Variants in MACROD2 observed in about 807,000 individuals in gnomAD.
MACROD2 encodes ADP-ribose glycohydrolase MACROD2.
MACROD2 carries 36 observed loss-of-function variants against 70.4 expected under a neutral mutation model. That is an observed-to-expected ratio of 0.51 (90% CI 0.39 to 0.68). MACROD2 has a LOEUF of 0.68. Ranked by LOEUF, MACROD2 falls within the 30% of genes least tolerant of loss-of-function variation. The pLI is 0.00. For synonymous variants in MACROD2, 172 were observed against 178.8 expected, an observed-to-expected ratio of 0.96 and a Z score of 0.30; for missense variants, 496 against 538.4, an observed-to-expected ratio of 0.92 and a Z score of 0.78.
At chr20:14,220,703 G>A (rs2081664960) in intron 3 of MACROD2, among the ~76,000 whole-genome samples, 1 of 152,198 alleles carries the variant, frequency 6.6e-6, no homozygotes, top group African/African-American at 2.4e-5. Flanking sequence ...CCTTTCTGCT[G>A]CATCCTCTAC....
intron 8 of MACROD2, among the ~76,000 whole-genome samples, chr20:15,738,292 T>C (rs2051054781): frequency 6.6e-6 from 1 of 152,136 alleles, no homozygotes; most frequent in South Asian, 2.1e-4. Flanking sequence ...TATCAAAATA[T>C]TACATATACC....
chr20:14,711,779 C>T (rs908664339), intron 5 of MACROD2, among the ~76,000 whole-genome samples: 7 of 152,152 alleles, frequency 4.6e-5, no homozygotes, highest in African/African-American at 9.7e-5. Context: ...TTGCCCAAAT[C>T]CCAAGCATTC....
At chr20:15,162,721 A>G (rs770151062) in intron 5 of MACROD2, among the ~76,000 whole-genome samples, 9 of 152,144 alleles carry the variant, frequency 5.9e-5, no homozygotes, top group Non-Finnish European at 8.8e-5. Flanking sequence ...TGTATGTAGA[A>G]AAGTTATCTT....
intron 4 of MACROD2, among the ~76,000 whole-genome samples, chr20:14,586,391 A>G (rs1981379693): frequency 6.6e-6 from 1 of 152,048 alleles, no homozygotes; most frequent in African/African-American, 2.4e-5. Context: ...AAGTTTCCTA[A>G]TTCTAGGGTG....
At position 14,327,493 on chromosome 20, in the gene MACROD2, G is replaced by A; in HGVS notation, c.272-165986G>A. The A allele has an allele frequency of 6.2e-7, 1 of 1,612,244 alleles. No individual in the cohort carries two copies. The highest frequency in any genetic ancestry group is 8.5e-7 in the Non-Finnish European group (1 of 1,178,864). ...AGTCCCGATGAGGAAGATGCTCCAG[G>A]CTGCGCTGATCATGGTCAGCAGTGT... is the stretch of plus-strand genomic sequence containing the variant. On this transcript the variant is annotated intron_variant, in intron 3 of 17. Transcript: ENST00000684519.
chr20:15,268,456 G>C (rs1009508114), intron 6 of MACROD2, among the ~76,000 whole-genome samples: 4 of 152,136 alleles, frequency 2.6e-5, no homozygotes, highest in African/African-American at 9.7e-5. Context: ...TCAAGACCCA[G>C]CCTGGCCAAG....
intron 7 of MACROD2, among the ~76,000 whole-genome samples, chr20:15,457,422 T>C (rs2046743308): frequency 6.6e-6 from 1 of 152,176 alleles, no homozygotes; most frequent in Non-Finnish European, 1.5e-5. Context: ...CTCATAATGT[T>C]ACCAATTTAT....
intron 5 of MACROD2, among the ~76,000 whole-genome samples, chr20:14,865,986 A>G (rs1007390459): frequency 6.6e-6 from 1 of 152,152 alleles, no homozygotes; most frequent in Non-Finnish European, 1.5e-5. Flanking sequence ...GAGTATGTAT[A>G]GAGGTCAAGT....
At chr20:14,312,416 G>A (rs1386668200) in intron 3 of MACROD2, among the ~76,000 whole-genome samples, 3 of 152,164 alleles carry the variant, frequency 2.0e-5, no homozygotes, top group Non-Finnish European at 4.4e-5. Context: ...AGAGAAAACT[G>A]CTCTCCTACT....
chr20:14,021,395 G>A (rs2053078093), intron 2 of MACROD2, among the ~76,000 whole-genome samples: 1 of 152,140 alleles, frequency 6.6e-6, no homozygotes, highest in Non-Finnish European at 1.5e-5. Context: ...AGCGGCCTTG[G>A]AACTTTAAGA....
chr20:14,199,921 C>T (rs1205945202), intron 3 of MACROD2, among the ~76,000 whole-genome samples: 3 of 151,970 alleles, frequency 2.0e-5, no homozygotes, highest in Non-Finnish European at 4.4e-5. Flanking sequence ...GGTTTACTTA[C>T]TTCCTTCTTA....
chr20:15,545,327 A>G (rs180929210), intron 8 of MACROD2, among the ~76,000 whole-genome samples: 175 of 152,320 alleles, frequency 1.1e-3, no homozygotes, highest in Non-Finnish European at 2.1e-3. Context: ...TAAGCTGCAA[A>G]TCACTGGTTT....
chr20:15,892,435 A>T (rs1465068233), intron 10 of MACROD2, among the ~76,000 whole-genome samples: 1 of 152,252 alleles, frequency 6.6e-6, no homozygotes. Context: ...TGGGACATAC[A>T]GAAGTTGTTT....
At chr20:15,196,807 C>A in intron 5 of MACROD2, 1 of 941,004 alleles carries the variant, frequency 1.1e-6, no homozygotes, top group Non-Finnish European at 1.3e-6. Flanking sequence ...TATTTCTCTA[C>A]CCCTCCCTTC....
At chr20:14,718,966 G>T (rs2071430612) in intron 5 of MACROD2, among the ~76,000 whole-genome samples, 2 of 152,122 alleles carry the variant, frequency 1.3e-5, no homozygotes, top group African/African-American at 2.4e-5. Flanking sequence ...GGGTGTGGTG[G>T]CTCACGTCTG....
At position 15,631,379 on chromosome 20, in the gene MACROD2, C is replaced by T. The variant is rs148231984; in HGVS notation, c.645+131532C>T. Among the ~76,000 whole-genome samples the T allele has an allele frequency of 9.2e-5, 14 of 152,146 alleles. No individual in the cohort carries two copies. In the East Asian group the frequency reaches 2.3e-3, roughly 25 times the overall value. ...TGTCATTAATGATCTCTTTAATGAA[C>T]GCAGGCAGAAACCATTATCAAATGA... On this transcript the variant is annotated intron_variant, in intron 8 of 17. Transcript: ENST00000684519.
intron 8 of MACROD2, among the ~76,000 whole-genome samples, chr20:15,545,253 G>A (rs2048011390): frequency 6.6e-6 from 1 of 152,218 alleles, no homozygotes; most frequent in African/African-American, 2.4e-5. Flanking sequence ...TGCATGGTGT[G>A]AGAACAGCCT....
chr20:14,883,036 G>C (rs1344227548), intron 5 of MACROD2, among the ~76,000 whole-genome samples: 1 of 152,084 alleles, frequency 6.6e-6, no homozygotes, highest in Admixed American at 6.6e-5. Context: ...TCATATTCTT[G>C]GTCATGAGTA....
chr20:15,628,447 G>C (rs528340940), intron 8 of MACROD2, among the ~76,000 whole-genome samples: 72 of 152,346 alleles, frequency 4.7e-4, no homozygotes, highest in Middle Eastern at 3.4e-3. Flanking sequence ...TTCTCTAATT[G>C]AAGTATAGAG....
Sources: allele counts gnomAD v4.1 joint callset (sites outside exome capture counted in the v4.1 genomes callset), GRCh38; gene constraint gnomAD v4.1.1; transcripts MANE v1.5; gene names NCBI Gene and HGNC (gene_info 2026-07-23, HGNC 2026-07-21).